CA9: variants seen among roughly 807,000 people sequenced by gnomAD.
CA9 encodes the protein carbonic anhydrase 9.
CA9 carries 43 observed loss-of-function variants against 51.8 expected under a neutral mutation model. That is an observed-to-expected ratio of 0.83 (90% CI 0.65 to 1.07). CA9 has a LOEUF of 1.07. Among genes scored for constraint, CA9 ranks in the 50% least tolerant of loss-of-function variants. The pLI, the probability that CA9 is intolerant of heterozygous loss-of-function variation, is 0.00. For missense variants in CA9, 574 were observed against 581.4 expected (o/e 0.99, Z 0.13); for synonymous variants, 253 against 244.2 (o/e 1.04, Z -0.34).
intron 5 of CA9, among the ~76,000 whole-genome samples, chr9:35,677,189 A>G (rs1441694208): frequency 6.6e-6 from 1 of 152,200 alleles, no homozygotes; most frequent in Non-Finnish European, 1.5e-5. Flanking sequence ...CACACAGCAC[A>G]AAGTTCAGAG....
In CA9 at chr9:35,673,948, A is replaced by C; in HGVS notation, c.-12A>C. 6.3e-7 allele frequency: 1 copy of C among 1,583,664 alleles called. No homozygotes were observed. Among genetic ancestry groups the C allele is most frequent in the Non-Finnish European group, 8.6e-7 (1 of 1,164,430 alleles). On this transcript the variant is annotated 5_prime_UTR_variant, in exon 1 of 11. Coordinates refer to ENST00000378357, the MANE Select transcript of CA9 (RefSeq NM_001216.3). ...TACACACCGTGTGCTGGGACACCCC[A>C]CAGTCAGCCGCATGGCTCCCCTGTG...
intron 3 of CA9, 58 bp downstream of exon 3, chr9:35,675,989 G>T (rs1335805562): frequency 6.2e-7 from 1 of 1,602,340 alleles, no homozygotes; most frequent in Non-Finnish European, 8.5e-7. Flanking sequence ...GAAGGGAACC[G>T]TCGCGGCAGT....
intron 1 of CA9, 35 bp downstream of exon 1, chr9:35,674,397 G>A: frequency 6.3e-7 from 1 of 1,576,836 alleles, no homozygotes; most frequent in East Asian, 2.2e-5. Context: ...CCAGGTTCCA[G>A]GAGGTTCATG....
intron 10 of CA9, 61 bp from the exon 11 acceptor site, chr9:35,680,904 A>T (rs1289490264): frequency 6.2e-7 from 1 of 1,611,018 alleles, no homozygotes; most frequent in Non-Finnish European, 8.5e-7. Context: ...TGCAAAGCGC[A>T]TGCAAATGAG....
chr9:35,677,935 T>A (rs919016146), intron 6 of CA9, 79 bp downstream of exon 6: 4 of 1,196,406 alleles, frequency 3.3e-6, no homozygotes, highest in Non-Finnish European at 5.0e-6. Flanking sequence ...GGTCTGAGGC[T>A]GGAGATGGGC....
At chr9:35,680,579 A>G (rs1465863297) in intron 9 of CA9, 174 bp from the exon 10 acceptor site, 3 of 615,966 alleles carry the variant, frequency 4.9e-6, no homozygotes, top group Non-Finnish European at 8.6e-6. Flanking sequence ...TGCTTATCTT[A>G]CCCCTTCTCG....
At chr9:35,679,057 C>T in intron 6 of CA9, 128 bp from the exon 7 acceptor site, 1 of 949,454 alleles carries the variant, frequency 1.1e-6, no homozygotes, top group Non-Finnish European at 1.6e-6. Context: ...GAAGGGCCTG[C>T]ACTTAGCGAA....
intron 6 of CA9, among the ~76,000 whole-genome samples, chr9:35,678,882 G>C (rs1026341195): frequency 1.1e-4 from 16 of 152,002 alleles, no homozygotes; most frequent in Non-Finnish European, 1.5e-5. Context: ...GGTACACAGA[G>C]TTAAGAGTGT....
chr9:35,677,289 G>T (rs1259393742), intron 5 of CA9, among the ~76,000 whole-genome samples: 1 of 152,098 alleles, frequency 6.6e-6, no homozygotes, highest in Admixed American at 6.5e-5. Context: ...TAAGAAAAAA[G>T]AATAATAAAT....
In CA9 at chr9:35,675,636, C is replaced by T. The variant is rs1393630022; in HGVS notation, c.433+69C>T. ...CTCTGTGGATCTCCCCTACAGCCGTCCCTGAACACTGGTCCCGGGCGTCCC... is the reference window on the plus strand; with the variant it reads ...CTCTGTGGATCTCCCCTACAGCCGTTCCTGAACACTGGTCCCGGGCGTCCC... On this transcript the variant is annotated intron_variant, in intron 2 of 10. Coordinates refer to ENST00000378357, the MANE Select transcript of CA9 (RefSeq NM_001216.3). 34 of 1,594,112 alleles carry T rather than the reference C, an allele frequency of 2.1e-5. No individual in the cohort carries two copies. In the East Asian group the frequency reaches 7.4e-4, roughly 35 times the overall value.
chr9:35,675,502 C>G (rs751943247), intron 1 of CA9, 36 bp from the exon 2 acceptor site: 3 of 1,613,690 alleles, frequency 1.9e-6, no homozygotes, highest in Non-Finnish European at 2.5e-6. Context: ...GATTGGGGCT[C>G]TAAGCTTGAG....
At position 35,679,803 on chromosome 9, in the gene CA9, T is replaced by C. The variant is rs536633148; in HGVS notation, c.1066-51T>C. The C allele has an allele frequency of 1.0e-4, 153 of 1,529,050 alleles. No individual in the cohort carries two copies. The East Asian group carries it at 2.2e-3, about 22-fold the overall frequency. 94.7% of individuals were successfully genotyped at this position (1,529,050 alleles called of 1,614,324 possible). A position where few individuals can be genotyped will look rare whatever the true frequency, so the allele number is the denominator to read the frequency against. On this transcript the variant is annotated intron_variant, in intron 7 of 10. Transcript: ENST00000378357. ...TGGTTGTGAGCTGGCCTGGGACCCT[T>C]GTTTCCTGTCATGCCATGAACCCAC...
At chr9:35,678,065 C>T (rs757222411) in intron 6 of CA9, among the ~76,000 whole-genome samples, 19 of 151,976 alleles carry the variant, frequency 1.3e-4, no homozygotes, top group African/African-American at 3.1e-4. Context: ...AAGCAAAAAC[C>T]GCCGGGCACG....
intron 6 of CA9, among the ~76,000 whole-genome samples, chr9:35,678,825 T>C (rs1239612423): frequency 1.3e-5 from 2 of 152,042 alleles, no homozygotes; most frequent in African/African-American, 4.8e-5. Context: ...TCATTTTTTC[T>C]TTTTAATTTG....
intron 6 of CA9, among the ~76,000 whole-genome samples, 156 bp from the exon 7 acceptor site, chr9:35,679,029 T>G (rs1463522139): frequency 1.3e-5 from 2 of 152,170 alleles, no homozygotes; most frequent in Non-Finnish European, 2.9e-5. Flanking sequence ...GTACTTTTTT[T>G]TGAGTTACGT....
In CA9 at chr9:35,679,317, A is replaced by T; in HGVS notation, c.1040A>T (p.Gln347Leu). 6.2e-7 allele frequency: 1 copy of T among 1,613,832 alleles called. No homozygotes were observed. The highest frequency in any genetic ancestry group is 8.5e-7 in the Non-Finnish European group (1 of 1,179,880). ...AQGVIWTVFNQTVMLSAKQLH... is the reference protein window; with the variant it reads ...AQGVIWTVFNLTVMLSAKQLH... ...GGTGTCATCTGGACTGTGTTTAACC[A>T]GACAGTGATGCTGAGTGCTAAGCAG... The change falls in exon 7 of 11, where the codon CAG becomes CTG. Residue 347 changes from glutamine (Q) to leucine (L), a missense_variant. Coordinates refer to ENST00000378357, the MANE Select transcript of CA9 (RefSeq NM_001216.3).
intron 5 of CA9, 78 bp from the exon 6 acceptor site, chr9:35,677,712 G>T (rs1309084516): frequency 1.8e-6 from 2 of 1,098,826 alleles, no homozygotes; most frequent in Non-Finnish European, 2.8e-6. Context: ...AGGTCTATGG[G>T]AACCCCCCTT....
rs1381953666 is a variant in CA9, at chr9:35,674,379, C to T, written c.403+17C>T. The T allele has an allele frequency of 1.3e-6, 2 of 1,594,818 alleles. No homozygotes were observed. Among genetic ancestry groups the T allele is most frequent in the Non-Finnish European group, 8.5e-7 (1 of 1,171,336 alleles). ...ACAAAGAAGGTAAGTGGTCATCAAT[C>T]TCCAAATCCAGGTTCCAGGAGGTTC... On this transcript the variant is annotated intron_variant, in intron 1 of 10. Transcript: ENST00000378357.
Position 35,674,080 on chromosome 9 carries a change from C to T in CA9, c.121C>T (p.Pro41Ser). 1 of 1,614,178 alleles carries T rather than the reference C, an allele frequency of 6.2e-7. No individual in the cohort carries two copies. The highest frequency in any genetic ancestry group is 1.6e-4 in the Middle Eastern group (1 of 6,062). Residue 41 changes from proline (P) to serine (S), a missense_variant, in exon 1 of 11, where the codon CCC becomes TCC. Pro to Ser is a moderately conservative substitution (Grantham distance 74, BLOSUM62 -1). Coordinates refer to ENST00000378357, the MANE Select transcript of CA9 (RefSeq NM_001216.3). ...GGTGCCTGTCCATCCCCAGAGGTTG[C>T]CCCGGATGCAGGAGGATTCCCCCTT... Reference protein sequence around the residue: ...LLVPVHPQRLPRMQEDSPLGG... With the variant: ...LLVPVHPQRLSRMQEDSPLGG...
Sources: allele counts gnomAD v4.1 joint callset (sites outside exome capture counted in the v4.1 genomes callset), GRCh38; gene constraint gnomAD v4.1.1; transcripts MANE v1.5; gene names NCBI Gene and HGNC (gene_info 2026-07-23, HGNC 2026-07-21).